ABR: variants seen among roughly 807,000 people sequenced by gnomAD.
ABR encodes the protein ABR activator of RhoGEF and GTPase.
ABR carries 35 observed loss-of-function variants against 107.2 expected under a neutral mutation model. The observed-to-expected ratio is 0.33, with a 90% CI of 0.25 to 0.43. The LOEUF is 0.43. Among genes scored for constraint, ABR ranks in the 20% least tolerant of loss-of-function variants. ABR has a pLI of 1.00. For synonymous variants in ABR, 498 were observed against 462.0 expected (o/e 1.08, Z -1.00); for missense variants, 815 against 1,115.2 (o/e 0.73, Z 3.83).
intron 1 of ABR, among the ~76,000 whole-genome samples, chr17:1,207,993 A>C (rs2042828230): frequency 6.6e-6 from 1 of 151,664 alleles, no homozygotes; most frequent in South Asian, 2.1e-4. Context: ...ATGGTCTCAA[A>C]CTCCCGACCT....
chr17:1,135,929 T>G (rs1037253749), intron 1 of ABR, among the ~76,000 whole-genome samples: 1 of 148,188 alleles, frequency 6.7e-6, no homozygotes, highest in Non-Finnish European at 1.5e-5. Context: ...TTTTGTTATT[T>G]TTGTTTTGGT....
intron 2 of ABR, among the ~76,000 whole-genome samples, chr17:1,122,828 T>C (rs1207778160): frequency 1.3e-5 from 2 of 152,196 alleles, no homozygotes; most frequent in African/African-American, 4.8e-5. Context: ...ACACAAAGAC[T>C]CAACCTTGGG....
At chr17:1,068,346 G>T (rs1739990592) in intron 9 of ABR, among the ~76,000 whole-genome samples, 1 of 152,242 alleles carries the variant, frequency 6.6e-6, no homozygotes, top group Admixed American at 6.5e-5. Context: ...CTCCCCCTGA[G>T]CTATACTTGG....
At chr17:1,060,756 GCC>G (rs2033829934) in intron 10 of ABR, among the ~76,000 whole-genome samples, 2 of 152,150 alleles carry the variant, frequency 1.3e-5, no homozygotes, top group African/African-American at 4.8e-5. Context: ...ACTTTGGGAG[GCC>G]GGGGCGGGTG....
At chr17:1,180,000 GC>G (rs1230400079), upstream of ABR, 2 of 253,972 alleles carry the variant, frequency 7.9e-6, no homozygotes, top group Admixed American at 5.6e-5. This position sits in a 1 kb window ranked among gnomAD's most constrained non-coding sequence, Gnocchi z 4.9. Flanking sequence ...GGGGGGCGGG[GC>G]GGGGGTGGGG....
intron 2 of ABR, among the ~76,000 whole-genome samples, chr17:1,103,129 G>T (rs1237292317): frequency 6.6e-6 from 1 of 152,178 alleles, no homozygotes. Context: ...CTTCAGGCAA[G>T]GGCAATAGTT....
At chr17:1,177,066 C>T (rs115172708) in intron 1 of ABR, among the ~76,000 whole-genome samples, 2,208 of 152,194 alleles carry the variant, frequency 0.015, 47 homozygotes, top group African/African-American at 0.05. Context: ...ACCCCCTTTA[C>T]AGTTCCCGAT....
At chr17:1,207,317 T>C (rs2042807435) in intron 1 of ABR, among the ~76,000 whole-genome samples, 1 of 152,000 alleles carries the variant, frequency 6.6e-6, no homozygotes, top group Admixed American at 6.6e-5. Context: ...GGATCAACTT[T>C]TCTGAAGGAT....
chr17:1,058,935 C>T (rs576658396), intron 10 of ABR, 68 bp from the exon 11 acceptor site: 56 of 1,585,258 alleles, frequency 3.5e-5, no homozygotes, highest in South Asian at 8.0e-5. Context: ...GCACTAAGCA[C>T]GACACTCCAC....
chr17:1,043,285 A>G (rs938246791), intron 16 of ABR, among the ~76,000 whole-genome samples: 5 of 152,258 alleles, frequency 3.3e-5, no homozygotes, highest in Non-Finnish European at 7.4e-5. Context: ...CTCCAGCCTC[A>G]GTGTCCCGAA....
In ABR at chr17:1,050,032, C is replaced by T. The variant is rs2151025606; in HGVS notation, c.1791+18G>A. On this transcript the variant is annotated intron_variant, in intron 16 of 22. Coordinates refer to ENST00000302538, the MANE Select transcript of ABR (RefSeq NM_021962.5). This position sits in a 1 kb window ranked among gnomAD's most constrained non-coding sequence, Gnocchi z 4.6. ...TCCTGGAGGCTCCCTCAGCCTCGCC[C>T]CGGCGCCCTGGCCTCACCTGGATCT... The T allele has an allele frequency of 6.2e-7, 1 of 1,610,438 alleles. No individual in the cohort carries two copies. Among genetic ancestry groups the T allele is most frequent in the East Asian group, 2.2e-5 (1 of 44,818 alleles).
At chr17:1,016,686 G>A (rs4968142) in intron 16 of ABR, among the ~76,000 whole-genome samples, 1 of 151,812 alleles carries the variant, frequency 6.6e-6, no homozygotes, top group East Asian at 1.9e-4. Context: ...GCCAAGCCCC[G>A]ACAGCCAGCC....
At chr17:1,162,788 G>T (rs906467290) in intron 1 of ABR, among the ~76,000 whole-genome samples, 2 of 151,962 alleles carry the variant, frequency 1.3e-5, no homozygotes, top group African/African-American at 2.4e-5. Context: ...ACTTTGAAAG[G>T]CTAGGCCAAG....
intron 16 of ABR, chr17:1,031,788 C>G: frequency 8.2e-7 from 1 of 1,215,122 alleles, no homozygotes. Flanking sequence ...GCCTGTGGAG[C>G]GCTCAGTCCC....
intron 16 of ABR, among the ~76,000 whole-genome samples, chr17:1,016,534 T>C (rs923392749): frequency 2.0e-5 from 3 of 152,024 alleles, no homozygotes; most frequent in Non-Finnish European, 4.4e-5. Flanking sequence ...CAGGCTGGTC[T>C]CGAGCTCCTG....
intron 5 of ABR, among the ~76,000 whole-genome samples, chr17:1,081,609 G>A (rs552791743): frequency 3.3e-5 from 5 of 152,142 alleles, no homozygotes; most frequent in Non-Finnish European, 5.9e-5. Flanking sequence ...ACAGGGTCTC[G>A]CTCTGTCACC....
chr17:1,218,637 T>C (rs1320815545), intron 1 of ABR, among the ~76,000 whole-genome samples: 2 of 152,210 alleles, frequency 1.3e-5, no homozygotes, highest in East Asian at 1.9e-4. Context: ...TTAAAGTATG[T>C]GTGTAACCTA....
At position 1,080,484 on chromosome 17, in the gene ABR, C is replaced by T. The variant is rs539669587; in HGVS notation, c.640-1094G>A. Reference sequence around the variant, plus strand: ...ATCCCCACTTGGCAGACGGAGCACACGGAGCCTCAAAGAGGGGTGTGGGAG... The same window carrying T: ...ATCCCCACTTGGCAGACGGAGCACATGGAGCCTCAAAGAGGGGTGTGGGAG... On this transcript the variant is annotated intron_variant, in intron 5 of 22. Transcript: ENST00000302538. Among the ~76,000 whole-genome samples the T allele has an allele frequency of 4.6e-5, 7 of 152,200 alleles. No individual in the cohort carries two copies. In the East Asian group the frequency reaches 9.7e-4, roughly 21 times the overall value.
intron 2 of ABR, among the ~76,000 whole-genome samples, chr17:1,113,934 G>A (rs79234884): frequency 0.029 from 4,379 of 152,208 alleles, 213 homozygotes; most frequent in African/African-American, 0.1. Context: ...TCGGGAGGCC[G>A]AGGCAGGAGG....
Sources: gnomAD v4.1 joint callset for allele counts (sites outside exome capture counted in the v4.1 genomes callset) on GRCh38, gnomAD v4.1.1 for gene constraint, Gnocchi (gnomAD v3.1) non-coding constraint, MANE v1.5 for transcripts, NCBI Gene and HGNC (gene_info 2026-07-23, HGNC 2026-07-21) for gene names.